The following TTBK1 variants were observed in gnomAD, a reference collection of about 807,000 sequenced individuals.
The protein encoded by TTBK1 is tau tubulin kinase 1, also known as tau-tubulin kinase 1.
TTBK1 carries 34 observed loss-of-function variants against 108.5 expected under a neutral mutation model. That is an observed-to-expected ratio of 0.31 (90% CI 0.24 to 0.42). TTBK1 has a LOEUF of 0.42. Ranked by LOEUF, TTBK1 falls within the 10% of genes least tolerant of loss-of-function variation. The pLI is 1.00. For synonymous variants in TTBK1, 809 were observed against 795.1 expected (o/e 1.02, Z -0.29); for missense variants, 1,539 against 1,826.0 (o/e 0.84, Z 2.86).
At chr6:43,255,247 C>G in intron 7 of TTBK1, 133 bp downstream of exon 7, 2 of 846,410 alleles carry the variant, frequency 2.4e-6, no homozygotes, top group Non-Finnish European at 3.9e-6. Flanking sequence ...AGACCCTGGG[C>G]TGGAGGAAGG....
At chr6:43,280,193 C>T (rs1251520724) in intron 13 of TTBK1, among the ~76,000 whole-genome samples, 1 of 152,150 alleles carries the variant, frequency 6.6e-6, no homozygotes, top group African/African-American at 2.4e-5. Flanking sequence ...GGAGCAGCCA[C>T]AGCCCTGGAC....
At position 43,265,875 on chromosome 6, in the gene TTBK1, G is replaced by T. The variant is rs1375593400; in HGVS notation, c.1986+2525G>T. 6.6e-6 allele frequency among the ~76,000 whole-genome samples: 1 copy of T among 152,144 alleles called. No homozygotes were observed. The highest frequency in any genetic ancestry group is 2.4e-5 in the African/African-American group (1 of 41,434). ...TTCTGGGTCTCCAGGTGAGGGAGCT[G>T]AGGTTCTTCCGAGGTTCATCTCTAA... On this transcript the variant is annotated intron_variant, in intron 13 of 14. Coordinates refer to ENST00000259750, the MANE Select transcript of TTBK1 (RefSeq NM_032538.3). This position sits in a 1 kb window ranked among gnomAD's most constrained non-coding sequence, Gnocchi z 4.1.
At position 43,255,566 on chromosome 6, in the gene TTBK1, C is replaced by T. The variant is rs369478418; in HGVS notation, c.657C>T (p.His219=). ...NAHKNREMGR[H]DDLWSLFYML... is the part of the protein sequence containing the mutation. ...CCCACCTCCAGGAGATGGGCCGCCA[C>T]GACGACCTGTGGTCCCTCTTCTACA... The change falls in exon 8 of 15, where the codon CAC becomes CAT. Residue 219 remains histidine (H), a synonymous_variant. Transcript: ENST00000259750. 1.1e-5 allele frequency: 17 copies of T among 1,609,578 alleles called. No individual in the cohort carries two copies. Among genetic ancestry groups the T allele is most frequent in the South Asian group, 2.2e-5 (2 of 90,414 alleles).
At chr6:43,247,002 G>A (rs1298962795) in intron 2 of TTBK1, among the ~76,000 whole-genome samples, 1 of 152,150 alleles carries the variant, frequency 6.6e-6, no homozygotes, top group Non-Finnish European at 1.5e-5. Context: ...GCTAGGTCAC[G>A]TTGGTCAGGC....
Position 43,247,825 on chromosome 6 carries a change from G to A in TTBK1, c.108+1057G>A, listed in dbSNP as rs1777138311. 2.0e-5 allele frequency among the ~76,000 whole-genome samples: 3 copies of A among 152,148 alleles called. 1 individual carries two copies. In the South Asian group the frequency reaches 6.2e-4, roughly 32 times the overall value. On this transcript the variant is annotated intron_variant, in intron 2 of 14. Coordinates refer to ENST00000259750, the MANE Select transcript of TTBK1 (RefSeq NM_032538.3). The stretch of plus-strand genomic sequence containing the variant: ...CCTAGAAAGAGGCAACGGTGGCGAC[G>A]TTTTCAGAGATGTCTCTGGGACTGG...
rs374431918 is a variant in TTBK1 at position 43,259,312 on chromosome 6, C to T, written c.1248+43C>T. ...GAAGGGCGTGGGTGGCCTTTTCTCT[C>T]ACCCCCGATTCCCAGCCTTGTGCCC... On this transcript the variant is annotated intron_variant, in intron 11 of 14. Coordinates refer to ENST00000259750, the MANE Select transcript of TTBK1 (RefSeq NM_032538.3). The surrounding 1 kb of genome is among the most constrained non-coding windows in gnomAD (Gnocchi z 6.7). 16 of 1,478,940 alleles carry T rather than the reference C, an allele frequency of 1.1e-5. No homozygotes were observed. The highest frequency in any genetic ancestry group is 1.5e-5 in the Non-Finnish European group (16 of 1,097,178). The allele number at this position is 1,478,940 out of a possible 1,614,324, so 91.6% of individuals were successfully genotyped here.
In TTBK1 at chr6:43,284,262, C is replaced by T. The variant is rs1237647227; in HGVS notation, c.3522C>T (p.Ala1174=). 1 of 1,591,876 alleles carries T rather than the reference C, an allele frequency of 6.3e-7. No homozygotes were observed. Among genetic ancestry groups the T allele is most frequent in the Admixed American group, 1.7e-5 (1 of 59,482 alleles). ...TGCCTGTTGCAGCCCAGCAGCCCGC[C>T]AGCAGATCCCATGGCGCGGCCCCAG... The part of the protein sequence containing the change: ...MPMPVAAQQP[A]SRSHGAAPAL... The change falls in exon 14 of 15, where the codon GCC becomes GCT. Residue 1174 remains alanine (A), a synonymous_variant. Coordinates refer to ENST00000259750, the MANE Select transcript of TTBK1 (RefSeq NM_032538.3).
At position 43,269,964 on chromosome 6, in the gene TTBK1, C is replaced by A. The variant is rs986428399; in HGVS notation, c.1986+6614C>A. On this transcript the variant is annotated intron_variant, in intron 13 of 14. Coordinates refer to ENST00000259750, the MANE Select transcript of TTBK1 (RefSeq NM_032538.3). The surrounding 1 kb of genome is among the most constrained non-coding windows in gnomAD (Gnocchi z 4.8). ...CCACAAGACCTAGGCTGGGCCCCCC[C>A]CCTCCTGGAGGGGGCAGGTGGGGGG... 75 of 1,435,478 alleles carry A rather than the reference C, an allele frequency of 5.2e-5. No individual in the cohort carries two copies. Among genetic ancestry groups the A allele is most frequent in the East Asian group, 1.8e-4 (7 of 39,042 alleles). 88.9% of individuals were successfully genotyped at this position (1,435,478 alleles called of 1,614,324 possible).
intron 9 of TTBK1, 111 bp downstream of exon 9, chr6:43,255,967 C>T (rs1395736528): frequency 2.9e-6 from 4 of 1,394,556 alleles, no homozygotes; most frequent in Non-Finnish European, 4.0e-6. Context: ...GTCCCCAAGC[C>T]TCTCCCCTTG....
chr6:43,284,382 C>T (rs1778299063), intron 14 of TTBK1, 70 bp downstream of exon 14: 1 of 1,480,114 alleles, frequency 6.8e-7, no homozygotes, highest in Non-Finnish European at 8.9e-7. Flanking sequence ...GGGGCTTCTC[C>T]AGAACCAAGG....
In TTBK1 at chr6:43,285,051, G is replaced by C. The variant is rs371781395; in HGVS notation, c.3641G>C (p.Arg1214Pro). 2.0e-6 allele frequency: 3 copies of C among 1,510,570 alleles called. No individual in the cohort carries two copies. In the Middle Eastern group the frequency reaches 5.2e-4, roughly 263 times the overall value. The allele number at this position is 1,510,570 out of a possible 1,614,324, so 93.6% of individuals were successfully genotyped here. ...CTCCGCCCCAAACAACCTCCTGGCC[G>C]CGGCCTGGGCCCAGGGCGAGCCCAA... is the stretch of plus-strand genomic sequence containing the variant. ...ADLRPKQPPG[R>P]GLGPGRAQAG... Residue 1214 changes from arginine (R) to proline (P), a missense_variant, in exon 15 of 15, where the codon CGC becomes CCC. Coordinates refer to ENST00000259750, the MANE Select transcript of TTBK1 (RefSeq NM_032538.3). This position sits in a 1 kb window ranked among gnomAD's most constrained non-coding sequence, Gnocchi z 4.7.
At chr6:43,261,960 CCCT>C (rs1203337023) in intron 12 of TTBK1, among the ~76,000 whole-genome samples, 1 of 152,120 alleles carries the variant, frequency 6.6e-6, no homozygotes, top group African/African-American at 2.4e-5. Flanking sequence ...ATGAGGTTCA[CCCT>C]GTGATGAGAG....
Position 43,271,436 on chromosome 6 carries a change from A to T in TTBK1, c.1986+8086A>T, listed in dbSNP as rs1007334517. The T allele has an allele frequency of 1.6e-5, 16 of 985,338 alleles. No individual in the cohort carries two copies. In the African/African-American group the frequency reaches 2.4e-4, roughly 15 times the overall value. The allele number at this position is 985,338 out of a possible 1,614,324, so 61.0% of individuals were successfully genotyped here. A position where few individuals can be genotyped will look rare whatever the true frequency, so the allele number is the denominator to read the frequency against. On this transcript the variant is annotated intron_variant, in intron 13 of 14. Transcript: ENST00000259750. ...TGCACAGTGCTGTATGAGTGTGTGT[A>T]TGCACATGTGTGTTAGGGAGCCAGA...
chr6:43,258,935 C>T (rs1314878035), intron 10 of TTBK1, 103 bp from the exon 11 acceptor site: 10 of 795,232 alleles, frequency 1.3e-5, no homozygotes, highest in East Asian at 5.5e-5. Flanking sequence ...CCTCTGTGCC[C>T]GCTCCTGGGG....
In TTBK1 at chr6:43,263,245, C is replaced by G. The variant is rs371012102; in HGVS notation, c.1881C>G (p.Ser627=). 5.1e-6 allele frequency: 8 copies of G among 1,560,784 alleles called. No homozygotes were observed. Among genetic ancestry groups the G allele is most frequent in the South Asian group, 2.4e-5 (2 of 84,350 alleles). Residue 627 remains serine, a synonymous_variant, in exon 13 of 15, where the codon TCC becomes TCG. Coordinates refer to ENST00000259750, the MANE Select transcript of TTBK1 (RefSeq NM_032538.3). The surrounding 1 kb of genome is among the most constrained non-coding windows in gnomAD (Gnocchi z 4.7). The part of the protein sequence containing the change: ...PPQLSQGDGR[S]ETSQPPTPGS... ...AGCTGAGCCAGGGCGATGGCCGTTC[C>G]GAGACGTCACAGCCCCCCACGCCTG...
chr6:43,258,974 A>G, intron 10 of TTBK1, 64 bp from the exon 11 acceptor site: 1 of 1,263,484 alleles, frequency 7.9e-7, no homozygotes, highest in South Asian at 1.4e-5. Context: ...CTGGTAGGAG[A>G]GGGCCATGGA....
intron 1 of TTBK1, among the ~76,000 whole-genome samples, 170 bp from the exon 2 acceptor site, chr6:43,246,437 G>T (rs567853881): frequency 6.6e-6 from 1 of 152,344 alleles, no homozygotes; most frequent in East Asian, 1.9e-4. Context: ...TTTGTAGTCT[G>T]TATCTCCCTT....
chr6:43,263,212 G>T lies in TTBK1; in HGVS notation c.1848G>T (p.Leu616=). ...TGCAGCATTTGCCGCCCCAGCCCCTGCCACCCCAGCTGAGCCAGGGCGATG... is the reference window on the plus strand; with the variant it reads ...TGCAGCATTTGCCGCCCCAGCCCCTTCCACCCCAGCTGAGCCAGGGCGATG... ...EDLQHLPPQP[L]PPQLSQGDGR... is the part of the protein sequence containing the mutation. Residue 616 remains leucine, a synonymous_variant, in exon 13 of 15, where the codon CTG becomes CTT. Transcript: ENST00000259750. This position sits in a 1 kb window ranked among gnomAD's most constrained non-coding sequence, Gnocchi z 4.7. 1 of 1,578,870 alleles carries T rather than the reference G, an allele frequency of 6.3e-7. No individual in the cohort carries two copies. Among genetic ancestry groups the T allele is most frequent in the Non-Finnish European group, 8.6e-7 (1 of 1,162,124 alleles).
intron 13 of TTBK1, among the ~76,000 whole-genome samples, chr6:43,281,375 CAAA>C (rs758326054): frequency 6.6e-5 from 5 of 76,174 alleles, no homozygotes; most frequent in Admixed American, 1.5e-4. Context: ...GGCTCCATAT[CAAA>C]AAAAAAAAAA....
Sources: gnomAD v4.1 joint callset for allele counts (sites outside exome capture counted in the v4.1 genomes callset) on GRCh38, gnomAD v4.1.1 for gene constraint, Gnocchi (gnomAD v3.1) non-coding constraint, MANE v1.5 for transcripts, NCBI Gene and HGNC (gene_info 2026-07-23, HGNC 2026-07-21) for gene names.